MACROD2: variants seen among roughly 807,000 people sequenced by gnomAD.
The protein encoded by MACROD2 is mono-ADP ribosylhydrolase 2.
MACROD2 carries 36 observed loss-of-function variants against 70.4 expected under a neutral mutation model. The observed-to-expected ratio is 0.51, with a 90% confidence interval of 0.39 to 0.68. The LOEUF (loss-of-function observed/expected upper bound fraction) is 0.68, where lower values mean the gene tolerates loss of function less well. Among genes scored for constraint, MACROD2 ranks in the 30% least tolerant of loss-of-function variants. MACROD2 has a pLI of 0.00. For missense variants in MACROD2, 496 were observed against 538.4 expected, an observed-to-expected ratio of 0.92 and a Z score of 0.78; for synonymous variants, 172 against 178.8, an observed-to-expected ratio of 0.96 and a Z score of 0.30.
At chr20:14,385,097 A>G (rs931908983) in intron 3 of MACROD2, among the ~76,000 whole-genome samples, 2 of 152,122 alleles carry the variant, frequency 1.3e-5, no homozygotes, top group African/African-American at 4.8e-5. Flanking sequence ...TACAATGAAA[A>G]CTTTTCATTG....
At chr20:14,613,531 C>A (rs1983298308) in intron 4 of MACROD2, among the ~76,000 whole-genome samples, 1 of 152,012 alleles carries the variant, frequency 6.6e-6, no homozygotes, top group Non-Finnish European at 1.5e-5. Context: ...ATTTACTTGA[C>A]ATCTATTTGC....
intron 3 of MACROD2, among the ~76,000 whole-genome samples, chr20:14,122,833 A>T (rs2054603067): frequency 6.6e-6 from 1 of 152,080 alleles, no homozygotes; most frequent in Admixed American, 6.6e-5. Context: ...AGGTTGTTAG[A>T]TGCACCCCTC....
chr20:14,019,168 C>T (rs886378332), intron 2 of MACROD2, among the ~76,000 whole-genome samples: 3 of 152,156 alleles, frequency 2.0e-5, no homozygotes, highest in Non-Finnish European at 4.4e-5. Context: ...TTTATCAAGA[C>T]AAGGGAATTG....
At chr20:14,754,455 TG>T (rs2071914143) in intron 5 of MACROD2, among the ~76,000 whole-genome samples, 1 of 152,146 alleles carries the variant, frequency 6.6e-6, no homozygotes, top group Non-Finnish European at 1.5e-5. Flanking sequence ...TAGTTGTATC[TG>T]TGTCAATTAG....
intron 3 of MACROD2, among the ~76,000 whole-genome samples, chr20:14,473,555 G>A (rs1044011777): frequency 3.3e-5 from 5 of 152,146 alleles, no homozygotes; most frequent in African/African-American, 1.2e-4. Flanking sequence ...TATGTTGATA[G>A]ACACTTAGGT....
chr20:15,901,679 T>C (rs1022697688), intron 10 of MACROD2, among the ~76,000 whole-genome samples: 4 of 152,188 alleles, frequency 2.6e-5, no homozygotes, highest in Non-Finnish European at 4.4e-5. Flanking sequence ...TCAAGGAGCA[T>C]CAGCAGCCTA....
intron 7 of MACROD2, among the ~76,000 whole-genome samples, chr20:15,491,304 C>T (rs78562533): frequency 6.6e-6 from 1 of 152,164 alleles, no homozygotes; most frequent in Non-Finnish European, 1.5e-5. Flanking sequence ...GAACATTTCT[C>T]TACTGTGCAT....
chr20:14,019,799 A>G (rs2148623182), intron 2 of MACROD2, among the ~76,000 whole-genome samples: 1 of 152,300 alleles, frequency 6.6e-6, no homozygotes, highest in Admixed American at 6.5e-5. Flanking sequence ...CTTAGGTTCT[A>G]CAATAGTGAT....
chr20:14,422,999 C>T (rs1285742000), intron 3 of MACROD2, among the ~76,000 whole-genome samples: 1 of 152,184 alleles, frequency 6.6e-6, no homozygotes, highest in African/African-American at 2.4e-5. Flanking sequence ...CACACTTTTA[C>T]TGCCTGAGTT....
chr20:14,214,606 G>GTT (rs11483760), intron 3 of MACROD2, among the ~76,000 whole-genome samples: 1,434 of 139,104 alleles, frequency 0.01, 15 homozygotes, highest in Non-Finnish European at 0.014. Flanking sequence ...TTTTTTTAAG[G>GTT]TTTTTTTTTT....
chr20:15,988,537 T>G (rs557101199), intron 15 of MACROD2, among the ~76,000 whole-genome samples: 1 of 152,150 alleles, frequency 6.6e-6, no homozygotes, highest in Non-Finnish European at 1.5e-5. Flanking sequence ...CACATTGACA[T>G]GTTTCCCTTC....
intron 5 of MACROD2, among the ~76,000 whole-genome samples, chr20:15,203,380 G>T (rs532039787): frequency 1.3e-5 from 2 of 152,036 alleles, no homozygotes; most frequent in Non-Finnish European, 2.9e-5. Flanking sequence ...AGTGGGAAGG[G>T]CCATTGTATT....
intron 2 of MACROD2, among the ~76,000 whole-genome samples, chr20:14,077,663 G>A (rs1477915776): frequency 2.0e-5 from 3 of 152,178 alleles, no homozygotes; most frequent in East Asian, 1.9e-4. Context: ...GAGGAAAAAT[G>A]TAGGACGAAA....
intron 3 of MACROD2, among the ~76,000 whole-genome samples, chr20:14,129,422 T>G (rs967900047): frequency 6.6e-6 from 1 of 152,258 alleles, no homozygotes; most frequent in African/African-American, 2.4e-5. Context: ...GAGGAATTGC[T>G]TCTTATGGAT....
intron 8 of MACROD2, among the ~76,000 whole-genome samples, chr20:15,706,406 G>A (rs779107737): frequency 6.6e-6 from 1 of 152,210 alleles, no homozygotes; most frequent in Non-Finnish European, 1.5e-5. Context: ...GGTCCTTTGA[G>A]TGCTTCTTGG....
intron 3 of MACROD2, among the ~76,000 whole-genome samples, chr20:14,475,112 T>C (rs1409694820): frequency 6.6e-6 from 1 of 152,006 alleles, no homozygotes; most frequent in Non-Finnish European, 1.5e-5. Flanking sequence ...TTCTTATTTG[T>C]ATTTTGTTTT....
At chr20:14,290,007 G>C (rs1048557132) in intron 3 of MACROD2, among the ~76,000 whole-genome samples, 5 of 151,998 alleles carry the variant, frequency 3.3e-5, no homozygotes, top group Admixed American at 1.3e-4. Context: ...TAACAGTTAA[G>C]TTAGGGCATG....
intron 3 of MACROD2, among the ~76,000 whole-genome samples, chr20:14,236,116 T>TA (rs1334990953): frequency 2.6e-5 from 4 of 152,172 alleles, no homozygotes; most frequent in African/African-American, 4.8e-5. Context: ...TATGTTTTTT[T>TA]AAATCTCTAA....
At chr20:15,149,231 A>C (rs1273675384) in intron 5 of MACROD2, among the ~76,000 whole-genome samples, 1 of 152,042 alleles carries the variant, frequency 6.6e-6, no homozygotes, top group East Asian at 1.9e-4. Flanking sequence ...AACACTGAGA[A>C]GTTATTTCCT....
Sources: allele counts gnomAD v4.1 joint callset (sites outside exome capture counted in the v4.1 genomes callset), GRCh38; gene constraint gnomAD v4.1.1; transcripts MANE v1.5; gene names NCBI Gene and HGNC (gene_info 2026-07-23, HGNC 2026-07-21).